The following FSTL4 variants were observed in gnomAD, a reference collection of about 807,000 sequenced individuals.
The protein encoded by FSTL4 is follistatin like 4.
In FSTL4, 28 loss-of-function variants were observed where a neutral mutation model predicts 78.2. That is an observed-to-expected ratio of 0.36 (90% confidence interval 0.27 to 0.49). The LOEUF (loss-of-function observed/expected upper bound fraction) is 0.49. Among genes scored for constraint, FSTL4 ranks in the 20% least tolerant of loss-of-function variants. The pLI, the probability that FSTL4 is intolerant of heterozygous loss-of-function variation, is 0.98. For synonymous variants in FSTL4, 422 were observed against 440.5 expected, an observed-to-expected ratio of 0.96 and a Z score of 0.53; for missense variants, 922 against 1,084.9, an observed-to-expected ratio of 0.85 and a Z score of 2.11.
At chr5:133,415,187 C>G (rs192609890) in intron 3 of FSTL4, among the ~76,000 whole-genome samples, 2 of 152,256 alleles carry the variant, frequency 1.3e-5, no homozygotes, top group African/African-American at 2.4e-5. Flanking sequence ...GCAGGCCCAC[C>G]ACAGTGTGGG....
intron 3 of FSTL4, among the ~76,000 whole-genome samples, chr5:133,517,749 A>G (rs977930159): frequency 6.6e-6 from 1 of 151,704 alleles, no homozygotes; most frequent in Non-Finnish European, 1.5e-5. Context: ...AGTCCCAGAA[A>G]AGAGTTGATG....
intron 2 of FSTL4, among the ~76,000 whole-genome samples, chr5:133,572,307 T>C (rs1760175376): frequency 1.3e-5 from 2 of 152,162 alleles, no homozygotes; most frequent in Non-Finnish European, 1.5e-5. Context: ...CAGGGGTATA[T>C]GTGCACATTT....
At chr5:133,459,516 T>A (rs1340551350) in intron 3 of FSTL4, among the ~76,000 whole-genome samples, 1 of 152,196 alleles carries the variant, frequency 6.6e-6, no homozygotes, top group Non-Finnish European at 1.5e-5. Context: ...TTAAAAATTG[T>A]TTTGCTCTCA....
At chr5:133,627,130 A>G in the FSTL4 span, among the ~76,000 whole-genome samples, 15 of 124,412 alleles carry the variant, frequency 1.2e-4, no homozygotes, top group Non-Finnish European at 1.9e-4. Flanking sequence ...TTACCATTAT[A>G]TGATGTTCCT....
chr5:133,698,175 C>T, the FSTL4 span, among the ~76,000 whole-genome samples: 1 of 152,144 alleles, frequency 6.6e-6, no homozygotes, highest in East Asian at 1.9e-4. Context: ...ACTTAACAAC[C>T]CACACCCTGC....
chr5:133,618,774 A>G, the FSTL4 span, among the ~76,000 whole-genome samples: 4 of 152,220 alleles, frequency 2.6e-5, no homozygotes, highest in Admixed American at 6.5e-5. Context: ...CCTCATAATC[A>G]CTACACAATT....
rs1286527513 is a variant in FSTL4, at chr5:133,338,179, A to G, written c.410-21527T>C. On this transcript the variant is annotated intron_variant, in intron 4 of 15. Transcript: ENST00000265342. The surrounding 1 kb of genome is among the most constrained non-coding windows in gnomAD (Gnocchi z 4.0). Reference sequence around the variant, plus strand: ...TAAATGTCGATTGAGTCATGTTTCTAGATGACTCGGGTCACTCACTGGCCC... The same window carrying G: ...TAAATGTCGATTGAGTCATGTTTCTGGATGACTCGGGTCACTCACTGGCCC... Among the ~76,000 whole-genome samples the G allele has an allele frequency of 4.6e-5, 7 of 152,192 alleles. No individual in the cohort carries two copies. Among genetic ancestry groups the G allele is most frequent in the Admixed American group, 4.6e-4 (7 of 15,280 alleles).
At chr5:133,341,516 G>C (rs1017142969) in intron 4 of FSTL4, among the ~76,000 whole-genome samples, 2 of 152,128 alleles carry the variant, frequency 1.3e-5, no homozygotes, top group African/African-American at 4.8e-5. Context: ...GGAAGCAGCA[G>C]AGGATGAGGG....
At chr5:133,284,944 G>T (rs1039088933) in intron 6 of FSTL4, among the ~76,000 whole-genome samples, 5 of 152,190 alleles carry the variant, frequency 3.3e-5, no homozygotes, top group Admixed American at 2.0e-4. Context: ...GCTAGGGCAC[G>T]AGACCTAACG....
chr5:133,725,736 G>C, the FSTL4 span, among the ~76,000 whole-genome samples: 1 of 152,204 alleles, frequency 6.6e-6, no homozygotes, highest in African/African-American at 2.4e-5. Context: ...ATATTTGAAA[G>C]AGGGTGGGGT....
the FSTL4 span, among the ~76,000 whole-genome samples, chr5:133,718,613 T>C: frequency 1.3e-5 from 2 of 152,204 alleles, no homozygotes; most frequent in African/African-American, 4.8e-5. Context: ...TTTAATTACC[T>C]GACAGGGAGA....
chr5:133,770,662 A>G, the FSTL4 span, among the ~76,000 whole-genome samples: 1 of 152,050 alleles, frequency 6.6e-6, no homozygotes, highest in African/African-American at 2.4e-5. Flanking sequence ...TTCCCATTCT[A>G]CAGGTTGTCT....
the FSTL4 span, among the ~76,000 whole-genome samples, chr5:133,684,287 TCCTCCCCGAC>T: frequency 6.6e-6 from 1 of 152,144 alleles, no homozygotes; most frequent in Non-Finnish European, 1.5e-5. Flanking sequence ...CCTTCCTCTG[TCCTCCCCGAC>T]CCTCGCAGGT....
At chr5:133,838,170 G>A in the FSTL4 span, among the ~76,000 whole-genome samples, 6 of 152,192 alleles carry the variant, frequency 3.9e-5, no homozygotes, top group Admixed American at 3.9e-4. Flanking sequence ...TTACAGGTAT[G>A]AGCCACCGTG....
intron 3 of FSTL4, among the ~76,000 whole-genome samples, chr5:133,532,610 G>A (rs546345613): frequency 2.0e-5 from 3 of 152,054 alleles, no homozygotes; most frequent in Admixed American, 2.0e-4. Context: ...CAGGACTCTG[G>A]GCGTCAGAAC....
At chr5:133,713,708 G>A in the FSTL4 span, among the ~76,000 whole-genome samples, 1 of 150,766 alleles carries the variant, frequency 6.6e-6, no homozygotes, top group Non-Finnish European at 1.5e-5. Flanking sequence ...GGTGGGAGGG[G>A]ATGGGAAGTG....
At chr5:133,689,739 G>C in the FSTL4 span, among the ~76,000 whole-genome samples, 2 of 152,094 alleles carry the variant, frequency 1.3e-5, no homozygotes, top group African/African-American at 4.8e-5. Flanking sequence ...TCAGACTAGT[G>C]GTCTCAGCAC....
At chr5:133,778,879 G>A in the FSTL4 span, among the ~76,000 whole-genome samples, 6 of 152,224 alleles carry the variant, frequency 3.9e-5, no homozygotes, top group African/African-American at 1.4e-4. Context: ...CCCAAGCTGG[G>A]CACAGCCTGG....
chr5:133,772,277 C>T, the FSTL4 span, among the ~76,000 whole-genome samples: 2 of 152,028 alleles, frequency 1.3e-5, no homozygotes, highest in Admixed American at 6.6e-5. Flanking sequence ...AAAGTGTTTA[C>T]AAAAAACAGC....
Sources: allele counts gnomAD v4.1 joint callset (sites outside exome capture counted in the v4.1 genomes callset), GRCh38; gene constraint gnomAD v4.1.1; non-coding constraint Gnocchi (gnomAD v3.1); transcripts MANE v1.5; gene names NCBI Gene and HGNC (gene_info 2026-07-23, HGNC 2026-07-21).